Variants in HIF1AN observed in about 807,000 individuals in gnomAD.
The protein encoded by HIF1AN is hypoxia inducible factor 1 subunit alpha inhibitor.
A neutral mutation model predicts 47.7 loss-of-function variants in HIF1AN; 21 were observed. The observed-to-expected ratio is 0.44, with a 90% CI of 0.31 to 0.63. The LOEUF is 0.63. Among genes scored for constraint, HIF1AN ranks in the 30% least tolerant of loss-of-function variants. HIF1AN has a pLI of 0.07. For synonymous variants in HIF1AN, 152 were observed against 155.9 expected (o/e 0.98, Z 0.18); for missense variants, 320 against 432.7 (o/e 0.74, Z 2.31).
Position 100,547,155 on chromosome 10 carries a change from A to G in HIF1AN, c.910A>G (p.Lys304Glu), listed in dbSNP as rs1369818263. ...NFWYKGAPTP[K>E]RIEYPLKAHQ... The stretch of plus-strand genomic sequence containing the variant: ...TCCTTTGTAGGGGGCTCCCACCCCT[A>G]AGAGAATTGAATATCCTCTCAAAGC... Residue 304 changes from lysine to glutamate, a missense_variant, in exon 7 of 8, where the codon AAG (lysine) becomes GAG (glutamate). Lys to Glu is a moderately conservative substitution (Grantham distance 56). Transcript: ENST00000299163. The G allele has an allele frequency of 6.2e-7, 1 of 1,613,212 alleles. No individual in the cohort carries two copies. Among genetic ancestry groups the G allele is most frequent in the African/African-American group, 1.3e-5 (1 of 74,920 alleles).
intron 2 of HIF1AN, among the ~76,000 whole-genome samples, chr10:100,539,806 C>T (rs1843004823): frequency 1.3e-5 from 2 of 152,146 alleles, no homozygotes; most frequent in East Asian, 3.8e-4. Flanking sequence ...GGAACCAGCT[C>T]TTGGTGAACA....
Position 100,546,544 on chromosome 10 carries a change from A to G in HIF1AN, c.857A>G (p.Asn286Ser). 6.2e-7 allele frequency: 1 copy of G among 1,613,650 alleles called. No individual in the cohort carries two copies. The highest frequency in any genetic ancestry group is 8.5e-7 in the Non-Finnish European group (1 of 1,179,824). ...TGGCATCACATAGAGTCATTACTAA[A>G]TGGGGGGATTACCATCACTGTGAAC... Reference protein sequence around the residue: ...YWWHHIESLLNGGITITVNFW... With the variant: ...YWWHHIESLLSGGITITVNFW... Residue 286 changes from asparagine (N) to serine (S), a missense_variant, in exon 6 of 8, where the codon AAT becomes AGT. By Grantham distance (46) the Asn-to-Ser change is conservative (BLOSUM62 1). Transcript: ENST00000299163.
Position 100,549,107 on chromosome 10 carries a change from C to T in HIF1AN, c.*970C>T, listed in dbSNP as rs192449045. On this transcript the variant is annotated 3_prime_UTR_variant, in exon 8 of 8. Coordinates refer to ENST00000299163, the MANE Select transcript of HIF1AN (RefSeq NM_017902.3). The stretch of plus-strand genomic sequence containing the variant: ...CCGTGTGTGTGTGTGTGTGTGTCCA[C>T]ACTGGCCAGCCTCCCTACTTACCAA... The T allele has an allele frequency of 1.3e-5, 2 of 152,766 alleles. No individual in the cohort carries two copies. Among genetic ancestry groups the T allele is most frequent in the African/African-American group, 2.4e-5 (1 of 41,414 alleles). 9.5% of individuals were successfully genotyped at this position (152,766 alleles called of 1,614,324 possible).
rs1843111159 is a variant in HIF1AN at position 100,548,078 on chromosome 10, C to T, written c.1006-15C>T. 1 of 1,613,756 alleles carries T rather than the reference C, an allele frequency of 6.2e-7. No homozygotes were observed. The highest frequency in any genetic ancestry group is 1.7e-5 in the Admixed American group (1 of 59,984). On this transcript the variant is annotated splice_polypyrimidine_tract_variant and intron_variant, in intron 7 of 7. Transcript: ENST00000299163. ...GAACAGCCAGTTCTGATTGGCTCCT[C>T]ATGTTTCTTTACAGGTGGGGCCCTT... is the stretch of plus-strand genomic sequence containing the variant.
chr10:100,558,556 C>G lies in HIF1AN; in HGVS notation c.*10419C>G, dbSNP rs930704106. 1.3e-5 allele frequency: 2 copies of G among 152,206 alleles called. No individual in the cohort carries two copies. The highest frequency in any genetic ancestry group is 2.9e-5 in the Non-Finnish European group (2 of 68,050). 9.4% of individuals were successfully genotyped at this position (152,206 alleles called of 1,614,324 possible). ...GAAATTTGCCACTGAGACAAGGTAT[C>G]TGACAGCCTAGATGGGATTCTAGAC... On this transcript the variant is annotated 3_prime_UTR_variant, in exon 8 of 8. Transcript: ENST00000299163.
chr10:100,548,212 C>A lies in HIF1AN; in HGVS notation c.*75C>A. 1 of 1,285,192 alleles carries A rather than the reference C, an allele frequency of 7.8e-7. No individual in the cohort carries two copies. The highest frequency in any genetic ancestry group is 1.1e-6 in the Non-Finnish European group (1 of 924,722). The allele number at this position is 1,285,192 out of a possible 1,614,324, so 79.6% of individuals were successfully genotyped here. ...CCGCTTCATTGATGAGGACAGGAGA[C>A]TCCAAGCGCTAGTATTGCACGCTGC... On this transcript the variant is annotated 3_prime_UTR_variant, in exon 8 of 8. Transcript: ENST00000299163.
Position 100,553,712 on chromosome 10 carries a change from G to T in HIF1AN, c.*5575G>T, listed in dbSNP as rs1239896943. 1 of 152,210 alleles carries T rather than the reference G, an allele frequency of 6.6e-6. No individual in the cohort carries two copies. The highest frequency in any genetic ancestry group is 2.4e-5 in the African/African-American group (1 of 41,442). The allele number at this position is 152,210 out of a possible 1,614,324, so 9.4% of individuals were successfully genotyped here. A position where few individuals can be genotyped will look rare whatever the true frequency, so the allele number is the denominator to read the frequency against. ...CACATATAGTTGGTTTGAATTTCTAGCTTCACTACTTACCAGCTGGGTTTG... is the reference window on the plus strand; with the variant it reads ...CACATATAGTTGGTTTGAATTTCTATCTTCACTACTTACCAGCTGGGTTTG... On this transcript the variant is annotated 3_prime_UTR_variant, in exon 8 of 8. Coordinates refer to ENST00000299163, the MANE Select transcript of HIF1AN (RefSeq NM_017902.3).
In HIF1AN at chr10:100,556,208, CCT is replaced by C. The variant is rs1843213684; in HGVS notation, c.*8072_*8073del. ...CATGCTTGTGTTACCAGTTCCTACC[CCT>C]GTCAGTAACCTCTGATGCTTACAAG... On this transcript the variant is annotated 3_prime_UTR_variant, in exon 8 of 8. Coordinates refer to ENST00000299163, the MANE Select transcript of HIF1AN (RefSeq NM_017902.3). The C allele has an allele frequency of 6.6e-6, 1 of 152,144 alleles. No homozygotes were observed. Among genetic ancestry groups the C allele is most frequent in the Non-Finnish European group, 1.5e-5 (1 of 68,042 alleles). The allele number at this position is 152,144 out of a possible 1,614,324, so 9.4% of individuals were successfully genotyped here. A position where few individuals can be genotyped will look rare whatever the true frequency, so the allele number is the denominator to read the frequency against.
In HIF1AN at chr10:100,535,949, G is replaced by GGCGGCGGAGATGGCGGCGACA. The variant is rs758958755; in HGVS notation, c.1_21dup. The GGCGGCGGAGATGGCGGCGACA allele has an allele frequency of 3.2e-6, 5 of 1,546,790 alleles. No homozygotes were observed. In the South Asian group the frequency reaches 4.8e-5, roughly 15 times the overall value. Reference sequence around the variant, plus strand: ...TCCGGTTCCGGTGGGGGCCGTCCCTGGCGGCGGAGATGGCGGCGACAGCGG... The same window carrying GGCGGCGGAGATGGCGGCGACA: ...TCCGGTTCCGGTGGGGGCCGTCCCTGGCGGCGGAGATGGCGGCGACAGCGGCGGAGATGGCGGCGACAGCGG... On this transcript the variant is annotated 5_prime_UTR_variant, in exon 1 of 8. The change creates a new upstream start codon in the 5' untranslated region. Coordinates refer to ENST00000299163, the MANE Select transcript of HIF1AN (RefSeq NM_017902.3).
chr10:100,538,905 CT>C (rs371921651), intron 2 of HIF1AN, among the ~76,000 whole-genome samples: 136 of 112,748 alleles, frequency 1.2e-3, no homozygotes, highest in Middle Eastern at 4.7e-3. Context: ...TTGAACCTTT[CT>C]TTTTTTTTTT....
Position 100,539,094 on chromosome 10 carries a change from A to G in HIF1AN, c.429-1540A>G, listed in dbSNP as rs537506127. On this transcript the variant is annotated intron_variant, in intron 2 of 7. Coordinates refer to ENST00000299163, the MANE Select transcript of HIF1AN (RefSeq NM_017902.3). ...GCCCAGCTAATTTTGTGTATTTTTA[A>G]TAACCAATTTATTTATTTAAATACA... Among the ~76,000 whole-genome samples the G allele has an allele frequency of 9.6e-4, 146 of 151,912 alleles. 1 individual carries two copies. Among genetic ancestry groups the G allele is most frequent in the African/African-American group, 3.4e-3 (143 of 41,458 alleles).
At position 100,547,235 on chromosome 10, in the gene HIF1AN, G is replaced by C; in HGVS notation, c.990G>C (p.Leu330Phe). 6.2e-7 allele frequency: 1 copy of C among 1,612,954 alleles called. No individual in the cohort carries two copies. Among genetic ancestry groups the C allele is most frequent in the Non-Finnish European group, 8.5e-7 (1 of 1,179,250 alleles). The part of the protein sequence containing the change: ...RNIEKMLGEA[L>F]GNPQEVGPLL... ...TTGAGAAGATGCTTGGAGAGGCCTT[G>C]GGGAACCCACAAGAGGTAGGTGACT... Residue 330 changes from leucine to phenylalanine, a missense_variant, in exon 7 of 8, where the codon TTG becomes TTC. Physicochemically the swap from Leu to Phe is conservative, Grantham distance 22. This residue lies in a region of HIF1AN where 161 missense variants were observed against 272.8 expected (regional missense o/e 0.59). Transcript: ENST00000299163.
chr10:100,548,334 C>G lies in HIF1AN; in HGVS notation c.*197C>G, dbSNP rs932228806. 6.0e-6 allele frequency: 3 copies of G among 502,926 alleles called. No individual in the cohort carries two copies. The highest frequency in any genetic ancestry group is 6.0e-5 in the African/African-American group (3 of 50,352). The allele number at this position is 502,926 out of a possible 1,614,324, so 31.2% of individuals were successfully genotyped here. ...CACTCCTATTTGGAGGGACTTCATA[C>G]CCTTGCCTCTTGTGCCCCAGCACCT... On this transcript the variant is annotated 3_prime_UTR_variant, in exon 8 of 8. Transcript: ENST00000299163.
At chr10:100,540,502 A>G in intron 2 of HIF1AN, 132 bp from the exon 3 acceptor site, 2 of 916,390 alleles carry the variant, frequency 2.2e-6, no homozygotes, top group South Asian at 1.5e-5. Context: ...GTTGGCTAAA[A>G]TTTGCCTGAC....
rs1843221243 is a variant in HIF1AN at position 100,557,125 on chromosome 10, C to T, written c.*8988C>T. 6.6e-6 allele frequency: 1 copy of T among 152,254 alleles called. No homozygotes were observed. Among genetic ancestry groups the T allele is most frequent in the African/African-American group, 2.4e-5 (1 of 41,436 alleles). The allele number at this position is 152,254 out of a possible 1,614,324, so 9.4% of individuals were successfully genotyped here. Reference sequence around the variant, plus strand: ...AGGGCAGGGTCTTGAGGAACAGGAACAGAGACCTTGGTTCTGGGTTGCCAT... The same window carrying T: ...AGGGCAGGGTCTTGAGGAACAGGAATAGAGACCTTGGTTCTGGGTTGCCAT... On this transcript the variant is annotated 3_prime_UTR_variant, in exon 8 of 8. Transcript: ENST00000299163.
At chr10:100,545,844 T>A in intron 4 of HIF1AN, 99 bp from the exon 5 acceptor site, 1 of 734,072 alleles carries the variant, frequency 1.4e-6, no homozygotes. Context: ...GTTTTTTTTT[T>A]GTTTGTTTGT....
rs1467386285 is a variant in HIF1AN, at chr10:100,555,617, C to T, written c.*7480C>T. The T allele has an allele frequency of 2.0e-5, 3 of 152,262 alleles. No homozygotes were observed. Among genetic ancestry groups the T allele is most frequent in the Admixed American group, 6.5e-5 (1 of 15,276 alleles). 9.4% of individuals were successfully genotyped at this position (152,262 alleles called of 1,614,324 possible). On this transcript the variant is annotated 3_prime_UTR_variant, in exon 8 of 8. Transcript: ENST00000299163. Reference sequence around the variant, plus strand: ...CTAGCTTTGTGGGTGAAGAAGATACCTCTTTAGCTTGTGCCAACCCATCCC... The same window carrying T: ...CTAGCTTTGTGGGTGAAGAAGATACTTCTTTAGCTTGTGCCAACCCATCCC...
Position 100,554,123 on chromosome 10 carries a change from C to G in HIF1AN, c.*5986C>G, listed in dbSNP as rs1196415030. 1.3e-5 allele frequency: 2 copies of G among 152,200 alleles called. No homozygotes were observed. The highest frequency in any genetic ancestry group is 2.9e-5 in the Non-Finnish European group (2 of 68,066). The allele number at this position is 152,200 out of a possible 1,614,324, so 9.4% of individuals were successfully genotyped here. On this transcript the variant is annotated 3_prime_UTR_variant, in exon 8 of 8. Coordinates refer to ENST00000299163, the MANE Select transcript of HIF1AN (RefSeq NM_017902.3). ...AGGAAGTGTCTTATGCCTCTTCTGC[C>G]TGGGCAGCCAGACTTTACTGCTGTA...
chr10:100,543,998 A>G (rs1270051941), intron 3 of HIF1AN, among the ~76,000 whole-genome samples: 2 of 152,214 alleles, frequency 1.3e-5, no homozygotes, highest in Non-Finnish European at 2.9e-5. Flanking sequence ...TCATCACTTA[A>G]GAAAGCATCT....
Sources: gnomAD v4.1 joint callset for allele counts (sites outside exome capture counted in the v4.1 genomes callset) on GRCh38, gnomAD v4.1.1 for gene constraint, gnomAD v4.1.1 regional missense constraint, MANE v1.5 for transcripts, NCBI Gene and HGNC (gene_info 2026-07-23, HGNC 2026-07-21) for gene names.